GPSM2: variants seen among roughly 807,000 people sequenced by gnomAD.
GPSM2 encodes G protein signaling modulator 2.
Under a neutral mutation model 78.4 loss-of-function variants are expected in GPSM2, and 58 were observed. The ratio of observed to expected loss-of-function variants is 0.74; its 90% confidence interval spans 0.60 to 0.92. GPSM2 has a LOEUF of 0.92. Ranked by LOEUF, GPSM2 falls within the 40% of genes least tolerant of loss-of-function variation. The pLI is 0.00. For synonymous variants in GPSM2, 224 were observed against 280.2 expected, an observed-to-expected ratio of 0.80 and a Z score of 2.00; for missense variants, 700 against 815.5, an observed-to-expected ratio of 0.86 and a Z score of 1.73.
chr1:108,886,783 T>C (rs936160244), intron 2 of GPSM2, among the ~76,000 whole-genome samples: 1 of 152,116 alleles, frequency 6.6e-6, no homozygotes, highest in African/African-American at 2.4e-5. Flanking sequence ...CAGGAAGTGA[T>C]AGCTGGGCAG....
chr1:108,897,489 C>T lies in GPSM2; in HGVS notation c.279-3C>T, dbSNP rs758678948. 2.5e-6 allele frequency: 4 copies of T among 1,606,598 alleles called. No individual in the cohort carries two copies. Among genetic ancestry groups the T allele is most frequent in the African/African-American group, 1.3e-5 (1 of 74,166 alleles). On this transcript the variant is annotated splice_polypyrimidine_tract_variant and splice_region_variant and intron_variant, in intron 3 of 14. Coordinates refer to ENST00000264126, the MANE Select transcript of GPSM2 (RefSeq NM_013296.5). ...TTTGTTTTTTGTTTTTTGTTTTTTT[C>T]AGGACTATTGGAGACCAGCTGGGGG... is the stretch of plus-strand genomic sequence containing the variant.
At chr1:108,928,962 C>G (rs1486018386) in intron 14 of GPSM2, among the ~76,000 whole-genome samples, 3 of 148,084 alleles carry the variant, frequency 2.0e-5, no homozygotes, top group Admixed American at 6.8e-5. Context: ...GCAGTCCTGC[C>G]TGGATGACAG....
At position 108,930,952 on chromosome 1, in the gene GPSM2, T is replaced by G. The variant is rs547357747; in HGVS notation, c.*1012T>G. On this transcript the variant is annotated 3_prime_UTR_variant, in exon 15 of 15. Coordinates refer to ENST00000264126, the MANE Select transcript of GPSM2 (RefSeq NM_013296.5). The stretch of plus-strand genomic sequence containing the variant: ...CTGTAGTCCCAACTGCTTAAGAGGC[T>G]GAGGCAGGAGGACCACTTGAGCCCA... 1 of 161,318 alleles carries G rather than the reference T, an allele frequency of 6.2e-6. No homozygotes were observed. The highest frequency in any genetic ancestry group is 2.4e-5 in the African/African-American group (1 of 41,322). The allele number at this position is 161,318 out of a possible 1,614,324, so 10.0% of individuals were successfully genotyped here. A position where few individuals can be genotyped will look rare whatever the true frequency, so the allele number is the denominator to read the frequency against.
intron 1 of GPSM2, among the ~76,000 whole-genome samples, chr1:108,879,957 A>G (rs1665815596): frequency 6.6e-6 from 1 of 152,054 alleles, no homozygotes; most frequent in African/African-American, 2.4e-5. Flanking sequence ...CATTCTGTGC[A>G]TTTCTACCCT....
intron 11 of GPSM2, among the ~76,000 whole-genome samples, chr1:108,916,260 G>GAA (rs199744756): frequency 0.08 from 10,794 of 134,114 alleles, 414 homozygotes; most frequent in Non-Finnish European, 0.091. Flanking sequence ...CCCTGTCTCT[G>GAA]AAAAAAAAAA....
Position 108,904,204 on chromosome 1 carries a change from C to T in GPSM2, c.1142C>T (p.Thr381Ile), listed in dbSNP as rs1649052603. 6.2e-7 allele frequency: 1 copy of T among 1,600,332 alleles called. No individual in the cohort carries two copies. Residue 381 changes from threonine to isoleucine, a missense_variant, in exon 10 of 15, where the codon ACA becomes ATA. Physicochemically the swap from Thr to Ile is moderately conservative, Grantham distance 89. Transcript: ENST00000264126. ...ATGGTTCTTGGTCTGAGCTACAGCA[C>T]AAATAACTCCATAATGTCTGAAAAT... ...LQMVLGLSYS[T>I]NNSIMSENTE... is the part of the protein sequence containing the mutation.
intron 9 of GPSM2, among the ~76,000 whole-genome samples, chr1:108,903,553 A>C (rs1297661440): frequency 6.6e-6 from 1 of 152,134 alleles, no homozygotes; most frequent in Non-Finnish European, 1.5e-5. Context: ...TGGTTCTTAG[A>C]ATTAAGGACT....
chr1:108,916,569 A>C (rs929256195), intron 11 of GPSM2, among the ~76,000 whole-genome samples: 12 of 152,244 alleles, frequency 7.9e-5, no homozygotes, highest in Non-Finnish European at 7.3e-5. Context: ...GCTTTTAAAA[A>C]GGCCATTTTT....
At chr1:108,922,889 G>A (rs866664788) in intron 13 of GPSM2, among the ~76,000 whole-genome samples, 4 of 152,206 alleles carry the variant, frequency 2.6e-5, no homozygotes, top group Middle Eastern at 3.4e-3. Context: ...CAGCTACTTG[G>A]GAGGCTGAAG....
chr1:108,917,561 G>A (rs532813743), intron 11 of GPSM2, among the ~76,000 whole-genome samples: 1 of 122,018 alleles, frequency 8.2e-6, no homozygotes, highest in South Asian at 2.8e-4. Flanking sequence ...GTGAGACTCC[G>A]TCTCAAAAAA....
chr1:108,885,444 C>T lies in GPSM2; in HGVS notation c.-79C>T. The T allele has an allele frequency of 1.2e-6, 1 of 822,844 alleles. No homozygotes were observed. Among genetic ancestry groups the T allele is most frequent in the Non-Finnish European group, 2.1e-6 (1 of 478,920 alleles). The allele number at this position is 822,844 out of a possible 1,614,324, so 51.0% of individuals were successfully genotyped here. On this transcript the variant is annotated 5_prime_UTR_variant, in exon 2 of 15. Coordinates refer to ENST00000264126, the MANE Select transcript of GPSM2 (RefSeq NM_013296.5). The stretch of plus-strand genomic sequence containing the variant: ...AATATACTAACCGGACAATGTTCTA[C>T]AAACAATTCTACATTGTAAAGGACT...
chr1:108,916,389 T>C (rs1199259701), intron 11 of GPSM2, among the ~76,000 whole-genome samples: 2 of 152,196 alleles, frequency 1.3e-5, no homozygotes, highest in African/African-American at 4.8e-5. Context: ...AAAACCAAAA[T>C]CTAATTGTGT....
In GPSM2 at chr1:108,918,796, TTAA is replaced by T; in HGVS notation, c.1440+8_1440+10del. ...AATTCCAAATTCTCAGAGGGTACGT[TTAA>T]ACTAAGTTTTTGAGTATTGTGTTTT... On this transcript the variant is annotated splice_region_variant and intron_variant, in intron 12 of 14. Coordinates refer to ENST00000264126, the MANE Select transcript of GPSM2 (RefSeq NM_013296.5). 1 of 1,600,486 alleles carries T rather than the reference TTAA, an allele frequency of 6.2e-7. No individual in the cohort carries two copies. The highest frequency in any genetic ancestry group is 8.6e-7 in the Non-Finnish European group (1 of 1,167,684).
intron 10 of GPSM2, among the ~76,000 whole-genome samples, chr1:108,913,203 T>C (rs1769726): frequency 0.015 from 2,288 of 152,302 alleles, 65 homozygotes; most frequent in African/African-American, 0.051. Flanking sequence ...CTCCCAGTTA[T>C]ATACTGCTGA....
intron 2 of GPSM2, among the ~76,000 whole-genome samples, chr1:108,895,809 C>T (rs1235181971): frequency 6.6e-6 from 1 of 152,152 alleles, no homozygotes; most frequent in Admixed American, 6.5e-5. Flanking sequence ...TCCCCTGCCA[C>T]CCGTCCATGG....
At chr1:108,888,146 G>C (rs1443510510) in intron 2 of GPSM2, among the ~76,000 whole-genome samples, 1 of 152,200 alleles carries the variant, frequency 6.6e-6, no homozygotes, top group Non-Finnish European at 1.5e-5. Flanking sequence ...CTGCCTCTCA[G>C]GTTCAAGCAG....
At chr1:108,886,586 G>T (rs1216709196) in intron 2 of GPSM2, among the ~76,000 whole-genome samples, 1 of 152,202 alleles carries the variant, frequency 6.6e-6, no homozygotes, top group East Asian at 1.9e-4. Flanking sequence ...AGATTGTAAG[G>T]ACCAGTGTTC....
At chr1:108,918,951 G>C (rs1287936979) in intron 12 of GPSM2, among the ~76,000 whole-genome samples, 162 bp downstream of exon 12, 1 of 151,764 alleles carries the variant, frequency 6.6e-6, no homozygotes, top group Non-Finnish European at 1.5e-5. Context: ...AATTAGAAAT[G>C]GTAATTACTG....
At chr1:108,911,222 G>A (rs933459323) in intron 10 of GPSM2, among the ~76,000 whole-genome samples, 1 of 152,086 alleles carries the variant, frequency 6.6e-6, no homozygotes, top group African/African-American at 2.4e-5. Context: ...AAGGCAAAGG[G>A]TCTTACTAGA....
Sources: gnomAD v4.1 joint callset for allele counts (sites outside exome capture counted in the v4.1 genomes callset) on GRCh38, gnomAD v4.1.1 for gene constraint, MANE v1.5 for transcripts, NCBI Gene and HGNC (gene_info 2026-07-23, HGNC 2026-07-21) for gene names.